MYPN: variants seen among roughly 807,000 people sequenced by gnomAD.
MYPN encodes sarcomeric protein myopalladin, 145 kDa (MYOP).
A neutral mutation model predicts 129.4 loss-of-function variants in MYPN; 63 were observed. That is an observed-to-expected ratio of 0.49 (90% CI 0.40 to 0.60). MYPN has a LOEUF of 0.60. MYPN is among the 20% of genes least tolerant of loss of function. The pLI is 0.00. For missense variants in MYPN, 1,596 were observed against 1,635.4 expected (o/e 0.98, Z 0.42); for synonymous variants, 629 against 600.9 (o/e 1.05, Z -0.68).
intron 10 of MYPN, among the ~76,000 whole-genome samples, chr10:68,167,184 C>T (rs2043068868): frequency 1.3e-5 from 2 of 152,332 alleles, no homozygotes; most frequent in South Asian, 2.1e-4. Flanking sequence ...CAATGTTGCA[C>T]TTAAACTAAT....
chr10:68,140,915 T>C (rs2042566335), intron 2 of MYPN, among the ~76,000 whole-genome samples: 1 of 151,792 alleles, frequency 6.6e-6, no homozygotes, highest in South Asian at 2.1e-4. Flanking sequence ...CTACTAAAAA[T>C]ACAAAAATTA....
At chr10:68,186,712 C>T (rs553675748) in intron 12 of MYPN, among the ~76,000 whole-genome samples, 1 of 152,288 alleles carries the variant, frequency 6.6e-6, no homozygotes, top group South Asian at 2.1e-4. Flanking sequence ...TGCAGGTACT[C>T]TTCTAGGTGC....
At chr10:68,138,107 CTTCTTTTTTTTTTTT>C (rs2042515533) in intron 2 of MYPN, among the ~76,000 whole-genome samples, 2 of 132,682 alleles carry the variant, frequency 1.5e-5, no homozygotes, top group East Asian at 4.7e-4. Flanking sequence ...TTTCTTTTTT[CTTCTTTTTTTTTTTT>C]TGAGATGGAG....
At chr10:68,194,647 TA>T in intron 14 of MYPN, 135 bp downstream of exon 14, 1 of 1,026,758 alleles carries the variant, frequency 9.7e-7, no homozygotes, top group Non-Finnish European at 1.5e-6. Context: ...TGATTTTGTG[TA>T]ACTAGGGCAC....
chr10:68,178,900 C>T (rs2043270787), intron 12 of MYPN, among the ~76,000 whole-genome samples: 1 of 151,624 alleles, frequency 6.6e-6, no homozygotes. Context: ...ATGTCTTATT[C>T]CAACTTTCCT....
chr10:68,144,202 CT>C, intron 3 of MYPN, among the ~76,000 whole-genome samples: 1 of 152,316 alleles, frequency 6.6e-6, no homozygotes, highest in Middle Eastern at 3.4e-3. Context: ...AAAAAATCAA[CT>C]TATGCTCCTT....
At chr10:68,199,339 T>A in intron 16 of MYPN, 29 bp from the exon 17 acceptor site, 4 of 1,608,300 alleles carry the variant, frequency 2.5e-6, no homozygotes, top group Non-Finnish European at 3.4e-6. Context: ...TCATCAGTCA[T>A]GTGCCTCAGC....
chr10:68,097,951 G>A (rs765893004), intron 1 of MYPN, among the ~76,000 whole-genome samples: 1 of 152,090 alleles, frequency 6.6e-6, no homozygotes, highest in Non-Finnish European at 1.5e-5. Context: ...GGTCCTTAAA[G>A]ATCTCAATTT....
Position 68,179,837 on chromosome 10 carries a change from G to GT in MYPN, c.2703+4383dup, listed in dbSNP as rs922120135. Among the ~76,000 whole-genome samples the GT allele has an allele frequency of 1.1e-4, 16 of 151,956 alleles. 1 individual carries two copies. Among genetic ancestry groups the GT allele is most frequent in the Admixed American group, 3.9e-4 (6 of 15,230 alleles). On this transcript the variant is annotated intron_variant, in intron 12 of 19. Coordinates refer to ENST00000358913, the MANE Select transcript of MYPN (RefSeq NM_032578.4). Reference sequence around the variant, plus strand: ...AGCCACCACACCCTGCTTATTTGTAGTTTTTTTAATAGAGAGGAGGTTTCG... The same window carrying GT: ...AGCCACCACACCCTGCTTATTTGTAGTTTTTTTTAATAGAGAGGAGGTTTCG...
At chr10:68,153,957 G>T (rs2042823394) in intron 6 of MYPN, among the ~76,000 whole-genome samples, 1 of 151,648 alleles carries the variant, frequency 6.6e-6, no homozygotes, top group Admixed American at 6.6e-5. Context: ...TTAGCGAGCA[G>T]AGTTTTATTT....
chr10:68,170,356 T>C lies in MYPN; in HGVS notation c.1973+3690T>C, dbSNP rs190703838. ...AGCACTATATAATTCTTTAATATTC[T>C]TTGCCTTCCTTTTCTCTTGTATATA... On this transcript the variant is annotated intron_variant, in intron 10 of 19. Transcript: ENST00000358913. Among the ~76,000 whole-genome samples the C allele has an allele frequency of 2.0e-3, 311 of 152,312 alleles. 3 individuals carry two copies. Among genetic ancestry groups the C allele is most frequent in the Non-Finnish European group, 2.9e-4 (20 of 68,034 alleles).
intron 6 of MYPN, among the ~76,000 whole-genome samples, chr10:68,151,175 G>T (rs2042763918): frequency 1.3e-5 from 2 of 152,188 alleles, no homozygotes; most frequent in Non-Finnish European, 2.9e-5. Context: ...TTTTTCTAGT[G>T]AGTACTGATC....
chr10:68,181,314 T>C (rs10997987), intron 12 of MYPN, among the ~76,000 whole-genome samples: 1,983 of 152,146 alleles, frequency 0.013, 50 homozygotes, highest in African/African-American at 0.046. Flanking sequence ...TTTTTTGAGA[T>C]GGAGTCTTGC....
chr10:68,152,949 T>G (rs962373331), intron 6 of MYPN, among the ~76,000 whole-genome samples: 2 of 149,082 alleles, frequency 1.3e-5, no homozygotes, highest in Non-Finnish European at 3.0e-5. Context: ...TTTATTTTAT[T>G]TTATGTTATT....
intron 19 of MYPN, among the ~76,000 whole-genome samples, chr10:68,209,964 A>G (rs2043881290): frequency 6.6e-6 from 1 of 152,094 alleles, no homozygotes; most frequent in Non-Finnish European, 1.5e-5. Flanking sequence ...AAGTGCTGGG[A>G]TTACAGGCAT....
At chr10:68,113,159 T>C (rs1178590377) in intron 1 of MYPN, among the ~76,000 whole-genome samples, 1 of 152,232 alleles carries the variant, frequency 6.6e-6, no homozygotes, top group East Asian at 1.9e-4. Context: ...CATAGTGCTC[T>C]ACAGTTTTAA....
chr10:68,145,650 T>A (rs938285090), intron 4 of MYPN, 124 bp downstream of exon 4: 19 of 764,674 alleles, frequency 2.5e-5, no homozygotes, highest in Non-Finnish European at 3.8e-5. Flanking sequence ...CAAAAATAAA[T>A]AAATAAACAA....
At chr10:68,089,854 A>T (rs1400378864) in intron 1 of MYPN, among the ~76,000 whole-genome samples, 3 of 152,182 alleles carry the variant, frequency 2.0e-5, no homozygotes, top group African/African-American at 7.2e-5. Flanking sequence ...AATGATTAAT[A>T]AATGCTTTAC....
chr10:68,153,405 A>G (rs2042811613), intron 6 of MYPN, among the ~76,000 whole-genome samples: 2 of 152,218 alleles, frequency 1.3e-5, no homozygotes, highest in Admixed American at 6.5e-5. Flanking sequence ...TGGCAGATGC[A>G]TATACTTTTG....
Sources: gnomAD v4.1 joint callset for allele counts (sites outside exome capture counted in the v4.1 genomes callset) on GRCh38, gnomAD v4.1.1 for gene constraint, MANE v1.5 for transcripts, NCBI Gene and HGNC (gene_info 2026-07-23, HGNC 2026-07-21) for gene names.